BBX: variants seen among roughly 807,000 people sequenced by gnomAD.
BBX encodes the protein HMG box transcription factor BBX.
Under a neutral mutation model 100.2 loss-of-function variants are expected in BBX, and 30 were observed. That is an observed-to-expected ratio of 0.30 (90% CI 0.22 to 0.41). The LOEUF (loss-of-function observed/expected upper bound fraction) is 0.41, where lower values mean the gene tolerates loss of function less well. Ranked by LOEUF, BBX falls within the 10% of genes least tolerant of loss-of-function variation. The probability of loss-of-function intolerance (pLI) is 1.00; values close to 1 mark genes in which losing one functional copy is unlikely to be tolerated. For synonymous variants in BBX, 376 were observed against 388.1 expected (o/e 0.97, Z 0.37); for missense variants, 1,023 against 1,129.8 (o/e 0.91, Z 1.35).
At chr3:107,796,309 G>T (rs938420408) in intron 15 of BBX, among the ~76,000 whole-genome samples, 1 of 152,008 alleles carries the variant, frequency 6.6e-6, no homozygotes, top group African/African-American at 2.4e-5. Context: ...TCTTCTTTCC[G>T]CAGTCAGTTC....
intron 8 of BBX, among the ~76,000 whole-genome samples, chr3:107,745,669 T>G (rs926585604): frequency 4.0e-5 from 6 of 151,780 alleles, no homozygotes; most frequent in African/African-American, 1.5e-4. Context: ...GCCCAGGCTG[T>G]TCTTGAATTA....
chr3:107,537,006 T>C (rs2048542900), intron 2 of BBX, among the ~76,000 whole-genome samples: 1 of 152,212 alleles, frequency 6.6e-6, no homozygotes, highest in African/African-American at 2.4e-5. Flanking sequence ...GGCCCTGTGT[T>C]TGCCCGTTAA....
At chr3:107,784,180 C>A (rs76048020) in intron 13 of BBX, among the ~76,000 whole-genome samples, 1 of 151,916 alleles carries the variant, frequency 6.6e-6, no homozygotes. Context: ...AATAAATAAG[C>A]CTAAGCAATA....
In BBX at chr3:107,646,799, T is replaced by G. The variant is rs368331924; in HGVS notation, c.-10+890T>G. 4.6e-4 allele frequency among the ~76,000 whole-genome samples: 70 copies of G among 152,290 alleles called. 1 individual carries two copies. In the East Asian group the frequency reaches 0.011, roughly 24 times the overall value. On this transcript the variant is annotated intron_variant, in intron 3 of 17. Coordinates refer to ENST00000325805, the MANE Select transcript of BBX (RefSeq NM_001142568.3). ...GATTAATCCAAAACCTTTTCTATTT[T>G]AAAGTATATTTGGTAGCTTATTACA...
chr3:107,578,262 G>A (rs2051959608), intron 2 of BBX, among the ~76,000 whole-genome samples: 3 of 152,178 alleles, frequency 2.0e-5, no homozygotes, highest in Admixed American at 6.5e-5. Context: ...GAGACATGGG[G>A]GGAGTAGTCA....
intron 12 of BBX, 140 bp from the exon 13 acceptor site, chr3:107,778,231 T>G (rs985214018): frequency 9.9e-7 from 1 of 1,009,350 alleles, no homozygotes; most frequent in Non-Finnish European, 1.4e-6. Context: ...AGAAAAGGTG[T>G]TTTTTTCCTT....
In BBX at chr3:107,810,216, A is replaced by T. The variant is rs1461295645; in HGVS notation, c.*4759A>T. 2 of 151,738 alleles carry T rather than the reference A, an allele frequency of 1.3e-5. No individual in the cohort carries two copies. Among genetic ancestry groups the T allele is most frequent in the Non-Finnish European group, 2.9e-5 (2 of 67,972 alleles). 9.4% of individuals were successfully genotyped at this position (151,738 alleles called of 1,614,324 possible). On this transcript the variant is annotated 3_prime_UTR_variant, in exon 18 of 18. Coordinates refer to ENST00000325805, the MANE Select transcript of BBX (RefSeq NM_001142568.3). ...TAAATGTGCATCTTTTTTTTAAAAA[A>T]AAAAAAAAAAAAGGTTCCTCTTCTG...
intron 5 of BBX, among the ~76,000 whole-genome samples, chr3:107,723,622 C>T (rs1001075181): frequency 6.6e-6 from 1 of 152,020 alleles, no homozygotes; most frequent in African/African-American, 2.4e-5. Context: ...CAAGTGTTCT[C>T]ATTGTTCAAT....
intron 2 of BBX, among the ~76,000 whole-genome samples, chr3:107,594,709 G>T (rs2107601773): frequency 6.6e-6 from 1 of 152,162 alleles, no homozygotes; most frequent in East Asian, 1.9e-4. Context: ...ATTGTTAGGA[G>T]ATTTAAATGA....
chr3:107,732,224 T>G (rs2063360422), intron 6 of BBX, among the ~76,000 whole-genome samples: 1 of 152,156 alleles, frequency 6.6e-6, no homozygotes, highest in Admixed American at 6.6e-5. Flanking sequence ...AATTCTGCTT[T>G]CTTTATTTAG....
At chr3:107,690,588 T>G (rs994772545) in intron 3 of BBX, among the ~76,000 whole-genome samples, 2 of 152,210 alleles carry the variant, frequency 1.3e-5, no homozygotes, top group Non-Finnish European at 2.9e-5. Context: ...AAAGAGCTTC[T>G]TCAGTGATTT....
At chr3:107,578,160 C>T (rs1171997678) in intron 2 of BBX, among the ~76,000 whole-genome samples, 2 of 152,200 alleles carry the variant, frequency 1.3e-5, no homozygotes, top group African/African-American at 4.8e-5. Flanking sequence ...TGGCAAAATT[C>T]CTGCCATTGC....
chr3:107,785,065 A>G (rs913619008), intron 13 of BBX, among the ~76,000 whole-genome samples: 30 of 151,896 alleles, frequency 2.0e-4, no homozygotes, highest in African/African-American at 7.2e-4. Context: ...CATGTATGAA[A>G]TGAACAATTC....
chr3:107,666,712 C>T (rs1374198061), intron 3 of BBX, among the ~76,000 whole-genome samples: 1 of 152,182 alleles, frequency 6.6e-6, no homozygotes, highest in Admixed American at 6.5e-5. Flanking sequence ...GCTGGGGCTA[C>T]AGGTGCGTGC....
rs1576166576 is a variant in BBX at position 107,526,358 on chromosome 3, G to C, written c.-124G>C. ...ATCATATGACAAAGGCTTTGCCGCA[G>C]TTCATCTTCCTCCCTGTGTACTTTC... On this transcript the variant is annotated 5_prime_UTR_variant, in exon 2 of 18. Coordinates refer to ENST00000325805, the MANE Select transcript of BBX (RefSeq NM_001142568.3). 2.5e-6 allele frequency: 1 copy of C among 398,550 alleles called. No homozygotes were observed. The highest frequency in any genetic ancestry group is 2.1e-5 in the African/African-American group (1 of 48,620). 24.7% of individuals were successfully genotyped at this position (398,550 alleles called of 1,614,324 possible). A position where few individuals can be genotyped will look rare whatever the true frequency, so the allele number is the denominator to read the frequency against.
At chr3:107,529,556 T>A (rs1427455484) in intron 2 of BBX, among the ~76,000 whole-genome samples, 7 of 152,226 alleles carry the variant, frequency 4.6e-5, no homozygotes, top group Admixed American at 1.3e-4. Context: ...TGGAGGCTCT[T>A]CCAGCTTGAA....
intron 7 of BBX, among the ~76,000 whole-genome samples, chr3:107,741,324 G>GA (rs1313200339): frequency 2.0e-5 from 3 of 152,004 alleles, no homozygotes; most frequent in East Asian, 1.9e-4. Flanking sequence ...TTGCTCCTGT[G>GA]AAAAAAACTG....
chr3:107,569,305 C>A (rs1210777378), intron 2 of BBX, among the ~76,000 whole-genome samples: 1 of 152,162 alleles, frequency 6.6e-6, no homozygotes. Context: ...CTCAAACTTA[C>A]CACGTTAACA....
At chr3:107,616,363 G>A (rs2107673406) in intron 2 of BBX, among the ~76,000 whole-genome samples, 1 of 152,166 alleles carries the variant, frequency 6.6e-6, no homozygotes, top group East Asian at 1.9e-4. Flanking sequence ...GGGTTACTCA[G>A]CCTGTAATAC....
Sources: gnomAD v4.1 joint callset for allele counts (sites outside exome capture counted in the v4.1 genomes callset) on GRCh38, gnomAD v4.1.1 for gene constraint, MANE v1.5 for transcripts, NCBI Gene and HGNC (gene_info 2026-07-23, HGNC 2026-07-21) for gene names.